The following SOX6 variants were observed in gnomAD, a reference collection of about 807,000 sequenced individuals.
SOX6 encodes SRY-box transcription factor 6.
SOX6 carries 11 observed loss-of-function variants against 97.8 expected under a neutral mutation model. That is an observed-to-expected ratio of 0.11 (90% CI 0.07 to 0.19). SOX6 has a LOEUF of 0.19. Among genes scored for constraint, SOX6 ranks in the 10% least tolerant of loss-of-function variants. The probability of loss-of-function intolerance (pLI) is 1.00; values close to 1 mark genes in which losing one functional copy is unlikely to be tolerated. For missense variants in SOX6, 810 were observed against 1,039.5 expected (o/e 0.78, Z 3.04); for synonymous variants, 360 against 371.4 (o/e 0.97, Z 0.35).
chr11:16,457,087 C>T (rs1859824085), intron 1 of SOX6, among the ~76,000 whole-genome samples: 1 of 152,056 alleles, frequency 6.6e-6, no homozygotes, highest in African/African-American at 2.4e-5. Flanking sequence ...ATTTCTGATA[C>T]TCTGTTTTTC....
At chr11:15,984,511 G>T (rs1853765865) in intron 15 of SOX6, among the ~76,000 whole-genome samples, 1 of 152,184 alleles carries the variant, frequency 6.6e-6, no homozygotes, top group Non-Finnish European at 1.5e-5. Flanking sequence ...GGGATTAAAA[G>T]AGAATGTTTA....
intron 13 of SOX6, among the ~76,000 whole-genome samples, chr11:16,010,125 T>TAC (rs67556517): frequency 0.11 from 15,014 of 135,324 alleles, 787 homozygotes; most frequent in East Asian, 0.24. Context: ...CAGTTGGAGC[T>TAC]ACACACACAC....
intron 1 of SOX6, among the ~76,000 whole-genome samples, chr11:16,422,917 G>T (rs1859047929): frequency 1.3e-5 from 2 of 151,982 alleles, no homozygotes; most frequent in African/African-American, 4.8e-5. Context: ...CTTTATATTA[G>T]TCTCCTAACT....
At chr11:16,625,986 G>A (rs1246138534) in intron 3 of SOX6, among the ~76,000 whole-genome samples, 4 of 152,204 alleles carry the variant, frequency 2.6e-5, no homozygotes, top group African/African-American at 9.6e-5. Context: ...CTGGTCAGAG[G>A]AGCACAAATG....
At chr11:16,205,550 C>A (rs965649679) in intron 4 of SOX6, among the ~76,000 whole-genome samples, 2 of 151,952 alleles carry the variant, frequency 1.3e-5, no homozygotes, top group African/African-American at 2.4e-5. Flanking sequence ...CAGTGCCATA[C>A]TGGGAGTGTA....
chr11:16,517,966 C>G (rs1483806749), intron 4 of SOX6, among the ~76,000 whole-genome samples: 1 of 152,146 alleles, frequency 6.6e-6, no homozygotes, highest in Non-Finnish European at 1.5e-5. Flanking sequence ...TTCTAAACAG[C>G]CTAATTGATA....
intron 3 of SOX6, among the ~76,000 whole-genome samples, chr11:16,624,966 G>C (rs1339421716): frequency 6.6e-6 from 1 of 152,004 alleles, no homozygotes; most frequent in African/African-American, 2.4e-5. Flanking sequence ...TTTGGTGGGG[G>C]GAGGGTTGAT....
chr11:16,394,846 T>C (rs1235231702), intron 1 of SOX6, among the ~76,000 whole-genome samples: 1 of 151,794 alleles, frequency 6.6e-6, no homozygotes, highest in Non-Finnish European at 1.5e-5. Context: ...AATTTGAAAG[T>C]TCAGTTCCTG....
intron 9 of SOX6, among the ~76,000 whole-genome samples, chr11:16,069,709 G>A (rs780579794): frequency 6.6e-6 from 1 of 152,124 alleles, no homozygotes; most frequent in Non-Finnish European, 1.5e-5. Flanking sequence ...GGTGAGAGCA[G>A]ATTTATTTTC....
intron 3 of SOX6, among the ~76,000 whole-genome samples, chr11:16,245,636 T>A (rs1853313861): frequency 6.6e-6 from 1 of 151,760 alleles, no homozygotes; most frequent in Admixed American, 6.6e-5. Context: ...CATGTATATA[T>A]GCAGAAATAT....
At chr11:16,533,234 T>C (rs72875210) in intron 4 of SOX6, among the ~76,000 whole-genome samples, 2,396 of 152,022 alleles carry the variant, frequency 0.016, 27 homozygotes, top group Non-Finnish European at 0.023. Context: ...TACCTTGCAA[T>C]AGAAACATAG....
chr11:16,056,864 TG>T (rs1334482168), intron 9 of SOX6, among the ~76,000 whole-genome samples: 2 of 152,140 alleles, frequency 1.3e-5, no homozygotes, highest in Non-Finnish European at 2.9e-5. Context: ...GAAAGACAGG[TG>T]GGCTAACCTC....
At chr11:16,709,866 C>G (rs1427132247) in intron 3 of SOX6, among the ~76,000 whole-genome samples, 1 of 152,162 alleles carries the variant, frequency 6.6e-6, no homozygotes, top group Non-Finnish European at 1.5e-5. Context: ...GAAGAATGCA[C>G]CTTCCAAAGA....
intron 1 of SOX6, among the ~76,000 whole-genome samples, chr11:16,443,334 A>G (rs1859545654): frequency 6.6e-6 from 1 of 152,202 alleles, no homozygotes; most frequent in Non-Finnish European, 1.5e-5. Context: ...TCACATTTAC[A>G]TCTCAAACAT....
intron 1 of SOX6, among the ~76,000 whole-genome samples, chr11:16,417,325 GAC>G (rs1158210811): frequency 1.3e-5 from 2 of 152,112 alleles, no homozygotes; most frequent in East Asian, 1.9e-4. Flanking sequence ...GAAAGGCTCA[GAC>G]ACAGGGCCAG....
intron 13 of SOX6, among the ~76,000 whole-genome samples, chr11:15,993,044 C>CA (rs1854102670): frequency 6.6e-6 from 1 of 152,012 alleles, no homozygotes; most frequent in African/African-American, 2.4e-5. Flanking sequence ...GCTTCTGAAA[C>CA]AAAATGGTTA....
At chr11:16,685,489 C>T (rs1327941868) in intron 3 of SOX6, among the ~76,000 whole-genome samples, 1 of 152,240 alleles carries the variant, frequency 6.6e-6, no homozygotes, top group African/African-American at 2.4e-5. Flanking sequence ...TTGAAAAAAC[C>T]AGCAGAGCAT....
intron 1 of SOX6, among the ~76,000 whole-genome samples, chr11:16,396,102 T>C (rs995190313): frequency 2.0e-5 from 3 of 151,704 alleles, no homozygotes; most frequent in Non-Finnish European, 4.4e-5. Flanking sequence ...GCTAGACTTT[T>C]AGCATCAGAT....
chr11:16,447,358 A>G (rs1651283677), intron 1 of SOX6, among the ~76,000 whole-genome samples: 1 of 152,206 alleles, frequency 6.6e-6, no homozygotes, highest in African/African-American at 2.4e-5. Flanking sequence ...AGCCCCAATT[A>G]TAAAAATGGG....
Sources: allele counts gnomAD v4.1 joint callset (sites outside exome capture counted in the v4.1 genomes callset), GRCh38; gene constraint gnomAD v4.1.1; transcripts MANE v1.5; gene names NCBI Gene and HGNC (gene_info 2026-07-23, HGNC 2026-07-21).